The following DNAH11 variants were observed in gnomAD, a reference collection of about 807,000 sequenced individuals.
The protein encoded by DNAH11 is axonemal beta dynein heavy chain 11.
A neutral mutation model predicts 526.0 loss-of-function variants in DNAH11; 442 were observed. The observed-to-expected ratio is 0.84, with a 90% CI of 0.78 to 0.91. The LOEUF (loss-of-function observed/expected upper bound fraction) is 0.91. Ranked by LOEUF, DNAH11 falls within the 40% of genes least tolerant of loss-of-function variation. The pLI, the probability that DNAH11 is intolerant of heterozygous loss-of-function variation, is 0.00. For synonymous variants in DNAH11, 2,461 were observed against 1,935.9 expected, an observed-to-expected ratio of 1.27 and a Z score of -7.12; for missense variants, 6,989 against 5,448.7, an observed-to-expected ratio of 1.28 and a Z score of -8.90.
chr7:21,807,928 A>G lies in DNAH11; in HGVS notation c.10211A>G (p.Glu3404Gly). 1 of 1,609,470 alleles carries G rather than the reference A, an allele frequency of 6.2e-7. No individual in the cohort carries two copies. The highest frequency in any genetic ancestry group is 8.5e-7 in the Non-Finnish European group (1 of 1,176,674). The part of the protein sequence containing the change: ...GQSIKSFEAQ[E>G]KTLCGDVLLT... ...TCCATTAAGTCCTTTGAAGCTCAAG[A>G]GAAGACACTCTGTGGAGATGTTCTT... The change falls in exon 63 of 82, where the codon GAG becomes GGG. Residue 3404 changes from glutamate to glycine, a missense_variant. Coordinates refer to ENST00000409508, the MANE Select transcript of DNAH11 (RefSeq NM_001277115.2).
chr7:21,619,017 A>G, intron 23 of DNAH11, 83 bp from the exon 24 acceptor site: 1 of 1,556,812 alleles, frequency 6.4e-7, no homozygotes, highest in Non-Finnish European at 8.8e-7. Flanking sequence ...TATTTTAGTT[A>G]AGATTCATTT....
intron 76 of DNAH11, among the ~76,000 whole-genome samples, chr7:21,891,251 T>C (rs1177873752): frequency 1.3e-5 from 2 of 152,188 alleles, no homozygotes; most frequent in Non-Finnish European, 2.9e-5. Flanking sequence ...GACCACAGTG[T>C]AGCATACACA....
At chr7:21,741,324 A>G (rs1278036179) in intron 48 of DNAH11, among the ~76,000 whole-genome samples, 2 of 152,192 alleles carry the variant, frequency 1.3e-5, no homozygotes, top group Admixed American at 6.5e-5. Context: ...GTATGAATGC[A>G]TCACAGCTTG....
chr7:21,661,662 G>A (rs1042904541), intron 30 of DNAH11, among the ~76,000 whole-genome samples: 6 of 152,052 alleles, frequency 3.9e-5, no homozygotes, highest in African/African-American at 7.2e-5. Context: ...GCCAGATTAA[G>A]TAGACTCAAA....
intron 74 of DNAH11, among the ~76,000 whole-genome samples, chr7:21,875,532 T>C (rs915788169): frequency 2.8e-4 from 43 of 152,262 alleles, no homozygotes; most frequent in African/African-American, 1.0e-3. Context: ...ACACAGTGCC[T>C]CATGCCTACA....
At chr7:21,841,281 C>T (rs533279867) in intron 65 of DNAH11, among the ~76,000 whole-genome samples, 10 of 152,082 alleles carry the variant, frequency 6.6e-5, no homozygotes, top group Admixed American at 1.3e-4. Context: ...ATATTAAATA[C>T]ATACTTAAGA....
At chr7:21,808,352 C>T (rs1469130564) in intron 63 of DNAH11, among the ~76,000 whole-genome samples, 1 of 152,068 alleles carries the variant, frequency 6.6e-6, no homozygotes, top group African/African-American at 2.4e-5. Context: ...AATAAGATAT[C>T]TATCACCTGA....
At chr7:21,774,624 G>C (rs1190956942) in intron 56 of DNAH11, among the ~76,000 whole-genome samples, 2 of 152,180 alleles carry the variant, frequency 1.3e-5, no homozygotes, top group African/African-American at 4.8e-5. Flanking sequence ...TGAAGTAGTT[G>C]TTACTACTAT....
intron 63 of DNAH11, among the ~76,000 whole-genome samples, chr7:21,811,265 C>G (rs1789502079): frequency 2.0e-5 from 3 of 152,004 alleles, no homozygotes; most frequent in Admixed American, 2.0e-4. Context: ...GAGTTCAAGA[C>G]CAGCCTGGCC....
intron 25 of DNAH11, among the ~76,000 whole-genome samples, chr7:21,631,223 AT>A (rs1191002312): frequency 1.3e-5 from 2 of 152,160 alleles, no homozygotes; most frequent in Non-Finnish European, 2.9e-5. Context: ...TGCCTCCGTG[AT>A]TCAGTTACCT....
At position 21,559,600 on chromosome 7, in the gene DNAH11, T is replaced by C. The variant is rs1783369177; in HGVS notation, c.693-3T>C. ...AATTATTTTATTATCTTAATGTTTG[T>C]AGGCCACCGTCAAACGAAAGGATAA... On this transcript the variant is annotated splice_polypyrimidine_tract_variant and splice_region_variant and intron_variant, in intron 3 of 81. Transcript: ENST00000409508. 9 of 1,596,314 alleles carry C rather than the reference T, an allele frequency of 5.6e-6. No individual in the cohort carries two copies. Among genetic ancestry groups the C allele is most frequent in the Non-Finnish European group, 7.7e-6 (9 of 1,170,978 alleles).
intron 76 of DNAH11, among the ~76,000 whole-genome samples, chr7:21,887,163 T>A (rs1784155275): frequency 6.6e-6 from 1 of 152,204 alleles, no homozygotes; most frequent in Non-Finnish European, 1.5e-5. Context: ...GGTGTGGGGT[T>A]TAAAGTTCTG....
Position 21,619,180 on chromosome 7 carries a change from A to G in DNAH11, c.4335A>G (p.Arg1445=). 1 of 1,613,514 alleles carries G rather than the reference A, an allele frequency of 6.2e-7. No homozygotes were observed. Among genetic ancestry groups the G allele is most frequent in the Non-Finnish European group, 8.5e-7 (1 of 1,179,668 alleles). The stretch of plus-strand genomic sequence containing the variant: ...TACACAGAGTGGAAGATGATGTCCG[A>G]AGGATTGTGGACAAGGCGGTGAAAG... The part of the protein sequence containing the change: ...LRLHRVEDDV[R]RIVDKAVKEL... The change falls in exon 24 of 82, where the codon CGA becomes CGG. Residue 1445 remains arginine (R), a synonymous_variant. Coordinates refer to ENST00000409508, the MANE Select transcript of DNAH11 (RefSeq NM_001277115.2).
Position 21,808,035 on chromosome 7 carries a change from T to G in DNAH11, c.10318T>G (p.Phe3440Val). 2 of 1,541,806 alleles carry G rather than the reference T, an allele frequency of 1.3e-6. No homozygotes were observed. The highest frequency in any genetic ancestry group is 1.8e-5 in the Admixed American group (1 of 55,548). The change falls in exon 63 of 82, where the codon TTT becomes GTT. Residue 3440 changes from phenylalanine to valine, a missense_variant. Transcript: ENST00000409508. Reference protein sequence around the residue: ...QELVHCKWVPFLQQKVSIPLT... With the variant: ...QELVHCKWVPVLQQKVSIPLT... ...GCTGGTGCACTGCAAGTGGGTTCCC[T>G]TTCTTCAACAGAAGGTAAGTTCAGT...
chr7:21,543,661 C>A (rs1487455475), intron 1 of DNAH11, 65 bp downstream of exon 1: 3 of 1,501,342 alleles, frequency 2.0e-6, no homozygotes, highest in South Asian at 1.2e-5. Context: ...ACAGCCCAGT[C>A]GCTCCCCTTT....
intron 30 of DNAH11, 122 bp from the exon 31 acceptor site, chr7:21,681,424 C>T (rs149716833): frequency 0.011 from 11,728 of 1,063,214 alleles, 401 homozygotes; most frequent in South Asian, 0.096. Context: ...GAGACTCCAT[C>T]TCAAAAAAAA....
intron 28 of DNAH11, among the ~76,000 whole-genome samples, chr7:21,640,285 A>G (rs921956859): frequency 2.0e-5 from 3 of 152,212 alleles, no homozygotes; most frequent in Non-Finnish European, 4.4e-5. Context: ...TTGAAACATA[A>G]TAGTTGTCAC....
At chr7:21,885,302 G>C (rs917265906) in intron 76 of DNAH11, among the ~76,000 whole-genome samples, 1 of 148,904 alleles carries the variant, frequency 6.7e-6, no homozygotes, top group Non-Finnish European at 1.5e-5. Flanking sequence ...TTTTTAAAAA[G>C]AGAAAAGATG....
Position 21,606,632 on chromosome 7 carries a change from T to TA in DNAH11, c.3766-15_3766-14insA. On this transcript the variant is annotated splice_polypyrimidine_tract_variant and intron_variant, in intron 19 of 81. Transcript: ENST00000409508. ...GAAATTCACTTTTTTTTTTTTTTTT[T>TA]TTTGCAATGATCAGGCAAAGCAGGC... The TA allele has an allele frequency of 6.5e-7, 1 of 1,536,286 alleles. No individual in the cohort carries two copies. The highest frequency in any genetic ancestry group is 1.4e-5 in the African/African-American group (1 of 69,738).
Sources: gnomAD v4.1 joint callset for allele counts (sites outside exome capture counted in the v4.1 genomes callset) on GRCh38, gnomAD v4.1.1 for gene constraint, MANE v1.5 for transcripts, NCBI Gene and HGNC (gene_info 2026-07-23, HGNC 2026-07-21) for gene names.